Variants in TAF3 observed in about 807,000 individuals in gnomAD.
TAF3 encodes transcription initiation factor TFIID subunit 3.
A neutral mutation model predicts 80.6 loss-of-function variants in TAF3; 7 were observed. The observed-to-expected ratio is 0.09, with a 90% CI of 0.05 to 0.16. The LOEUF (loss-of-function observed/expected upper bound fraction) is 0.16, where lower values mean the gene tolerates loss of function less well. Ranked by LOEUF, TAF3 falls within the 10% of genes least tolerant of loss-of-function variation. The pLI is 1.00. For synonymous variants in TAF3, 444 were observed against 446.1 expected (o/e 1.00, Z 0.06); for missense variants, 921 against 1,140.2 (o/e 0.81, Z 2.77).
rs1443390830 is a variant in TAF3 at position 8,009,652 on chromosome 10, G to T, written c.2568+322G>T. ...TTTTTTTTTTTTGAGACAGAGTTTC[G>T]CTCTTATTGCCCAACCTGGAATGCG... On this transcript the variant is annotated intron_variant, in intron 5 of 6. Coordinates refer to ENST00000344293, the MANE Select transcript of TAF3 (RefSeq NM_031923.4). The surrounding 1 kb of genome is among the most constrained non-coding windows in gnomAD (Gnocchi z 4.1). 1.3e-5 allele frequency among the ~76,000 whole-genome samples: 2 copies of T among 148,422 alleles called. No homozygotes were observed. The highest frequency in any genetic ancestry group is 2.1e-4 in the South Asian group (1 of 4,672).
At chr10:7,920,114 A>G (rs1179414799) in intron 2 of TAF3, among the ~76,000 whole-genome samples, 2 of 151,958 alleles carry the variant, frequency 1.3e-5, no homozygotes, top group Non-Finnish European at 2.9e-5. Flanking sequence ...TTAGCCGGGC[A>G]TGTTGGCATG....
intron 2 of TAF3, among the ~76,000 whole-genome samples, chr10:7,841,075 T>C (rs966649459): frequency 6.6e-6 from 1 of 152,182 alleles, no homozygotes; most frequent in South Asian, 2.1e-4. Context: ...GGTCTGGAAC[T>C]CCTGACCTCA....
At chr10:7,984,410 G>T (rs886540630) in intron 4 of TAF3, among the ~76,000 whole-genome samples, 5 of 152,178 alleles carry the variant, frequency 3.3e-5, no homozygotes, top group Admixed American at 6.5e-5. Flanking sequence ...AACAATTACA[G>T]CAGTTCTTAC....
chr10:7,964,830 G>T lies in TAF3; in HGVS notation c.1320G>T (p.Ala440=), dbSNP rs201095393. The T allele has an allele frequency of 3.1e-6, 5 of 1,614,108 alleles. No individual in the cohort carries two copies. The highest frequency in any genetic ancestry group is 4.2e-6 in the Non-Finnish European group (5 of 1,180,036). The part of the protein sequence containing the change: ...ECTTPKASTS[A]NNFTKSGSTP... ...CTACTCCCAAAGCTTCCACTTCCGC[G>T]AACAATTTCACAAAGTCAGGATCCA... The change falls in exon 3 of 7, where the codon GCG becomes GCT. Residue 440 remains alanine, a synonymous_variant. Transcript: ENST00000344293. This position sits in a 1 kb window ranked among gnomAD's most constrained non-coding sequence, Gnocchi z 4.1.
intron 2 of TAF3, among the ~76,000 whole-genome samples, chr10:7,857,385 C>G (rs1010741712): frequency 1.6e-4 from 25 of 152,298 alleles, no homozygotes; most frequent in Middle Eastern, 3.4e-3. Context: ...TCCCACTGCC[C>G]CCTTAAACAG....
chr10:7,863,621 AAAAAAAT>A (rs1199392830), intron 2 of TAF3, among the ~76,000 whole-genome samples: 1 of 92,298 alleles, frequency 1.1e-5, no homozygotes, highest in Non-Finnish European at 2.1e-5. Context: ...AAAAAAAAAA[AAAAAAAT>A]ATATATATAT....
At chr10:7,825,236 A>G (rs1836728594) in intron 2 of TAF3, among the ~76,000 whole-genome samples, 1 of 152,220 alleles carries the variant, frequency 6.6e-6, no homozygotes, top group Middle Eastern at 3.2e-3. Flanking sequence ...AGAGTTGGAA[A>G]AGTTGCAATA....
intron 2 of TAF3, among the ~76,000 whole-genome samples, chr10:7,825,067 T>G (rs931038909): frequency 2.0e-5 from 3 of 152,214 alleles, no homozygotes; most frequent in Non-Finnish European, 4.4e-5. Flanking sequence ...CTTTTGATTA[T>G]AAAATGATAG....
chr10:7,976,856 G>A (rs1831678513), intron 3 of TAF3, among the ~76,000 whole-genome samples: 1 of 152,084 alleles, frequency 6.6e-6, no homozygotes, highest in Non-Finnish European at 1.5e-5. Flanking sequence ...ATAAACAGAT[G>A]CTTTTATCTT....
At chr10:7,845,383 C>T (rs1348891786) in intron 2 of TAF3, among the ~76,000 whole-genome samples, 2 of 152,058 alleles carry the variant, frequency 1.3e-5, no homozygotes, top group South Asian at 2.1e-4. Flanking sequence ...TTATGTCCTC[C>T]GTTTTTCGTT....
chr10:7,896,189 C>G (rs1423078922), intron 2 of TAF3, among the ~76,000 whole-genome samples: 1 of 152,156 alleles, frequency 6.6e-6, no homozygotes, highest in East Asian at 1.9e-4. Context: ...GTAAAAACAA[C>G]TCTGTTTGAA....
At chr10:7,823,701 C>A (rs1836712077) in intron 1 of TAF3, among the ~76,000 whole-genome samples, 1 of 148,250 alleles carries the variant, frequency 6.7e-6, no homozygotes, top group Non-Finnish European at 1.5e-5. Context: ...GTGGCACGAT[C>A]TCGGCTCACT....
At chr10:7,824,695 C>G in intron 2 of TAF3, 135 bp downstream of exon 2, 1 of 1,201,784 alleles carries the variant, frequency 8.3e-7, no homozygotes. Context: ...ACAAATTATT[C>G]TAACCCTTAA....
chr10:7,856,756 AG>A (rs1837083903), intron 2 of TAF3, among the ~76,000 whole-genome samples: 1 of 152,014 alleles, frequency 6.6e-6, no homozygotes, highest in Non-Finnish European at 1.5e-5. Flanking sequence ...CCAAGTAGCA[AG>A]GAAGCTACCA....
At chr10:7,905,040 T>C (rs1005665335) in intron 2 of TAF3, among the ~76,000 whole-genome samples, 3 of 152,088 alleles carry the variant, frequency 2.0e-5, no homozygotes, top group Non-Finnish European at 4.4e-5. Flanking sequence ...CTTTGAGAAG[T>C]GGAAAAACCA....
chr10:7,876,215 A>G (rs993260253), intron 2 of TAF3, among the ~76,000 whole-genome samples: 9 of 152,070 alleles, frequency 5.9e-5, no homozygotes, highest in Admixed American at 5.9e-4. Context: ...TATTTTAGTA[A>G]GAGAAAGACT....
intron 4 of TAF3, among the ~76,000 whole-genome samples, chr10:7,987,822 G>T (rs1831793073): frequency 1.3e-5 from 2 of 152,224 alleles, no homozygotes; most frequent in African/African-American, 4.8e-5. Flanking sequence ...TTCTTCTTTG[G>T]GGGAAGCTAT....
intron 2 of TAF3, among the ~76,000 whole-genome samples, chr10:7,869,526 T>TG (rs76344466): frequency 0.054 from 8,297 of 152,362 alleles, 328 homozygotes; most frequent in Admixed American, 0.12. Flanking sequence ...AGTTCCCTGT[T>TG]GTGACATTTA....
Position 7,818,768 on chromosome 10 carries a change from C to T in TAF3, c.59C>T (p.Ala20Val). The T allele has an allele frequency of 6.4e-7, 1 of 1,560,242 alleles. No individual in the cohort carries two copies. The highest frequency in any genetic ancestry group is 8.6e-7 in the Non-Finnish European group (1 of 1,158,976). The change falls in exon 1 of 7, where the codon GCG becomes GTG. Residue 20 changes from alanine (A) to valine (V), a missense_variant. Coordinates refer to ENST00000344293, the MANE Select transcript of TAF3 (RefSeq NM_031923.4). Reference sequence around the variant, plus strand: ...GTCTCGGTGGCGCAGATCTGCCAGGCGCTGGGCTGGGACTCGGTGCAGCTC... The same window carrying T: ...GTCTCGGTGGCGCAGATCTGCCAGGTGCTGGGCTGGGACTCGGTGCAGCTC... ...LRVSVAQICQ[A>V]LGWDSVQLSA... is the part of the protein sequence containing the mutation.
Sources: gnomAD v4.1 joint callset for allele counts (sites outside exome capture counted in the v4.1 genomes callset) on GRCh38, gnomAD v4.1.1 for gene constraint, Gnocchi (gnomAD v3.1) non-coding constraint, MANE v1.5 for transcripts, NCBI Gene and HGNC (gene_info 2026-07-23, HGNC 2026-07-21) for gene names.